SQLE: variants seen among roughly 807,000 people sequenced by gnomAD.
SQLE encodes the protein squalene epoxidase.
A neutral mutation model predicts 60.7 loss-of-function variants in SQLE; 29 were observed. That is an observed-to-expected ratio of 0.48 (90% CI 0.36 to 0.65). The LOEUF is 0.65. SQLE is among the 30% of genes least tolerant of loss of function. The pLI is 0.00. For synonymous variants in SQLE, 237 were observed against 246.8 expected (o/e 0.96, Z 0.37); for missense variants, 605 against 684.1 (o/e 0.88, Z 1.29).
chr8:125,021,736 ATTT>A lies in SQLE; in HGVS notation c.1533-12_1533-10del, dbSNP rs779786398. On this transcript the variant is annotated splice_polypyrimidine_tract_variant and intron_variant, in intron 10 of 10. Coordinates refer to ENST00000265896, the MANE Select transcript of SQLE (RefSeq NM_003129.4). ...TAGTTTCTGAGTCTTACCAATATGT[ATTT>A]TTTTCTATTACAGATTGTCTCCTAA... is the stretch of plus-strand genomic sequence containing the variant. The A allele has an allele frequency of 3.2e-6, 5 of 1,557,008 alleles. No individual in the cohort carries two copies. Among genetic ancestry groups the A allele is most frequent in the Non-Finnish European group, 4.4e-6 (5 of 1,147,718 alleles).
In SQLE at chr8:125,008,971, G is replaced by A; in HGVS notation, c.823G>A (p.Glu275Lys). The change falls in exon 5 of 11, where the codon GAA becomes AAA. Residue 275 changes from glutamate (E) to lysine (K), a missense_variant and splice_region_variant. Glu to Lys is a moderately conservative substitution (Grantham distance 56, BLOSUM62 1). Coordinates refer to ENST00000265896, the MANE Select transcript of SQLE (RefSeq NM_003129.4). ...YKDKETGDIK[E>K]LHAPLTVVAD... The stretch of plus-strand genomic sequence containing the variant: ...TGAGTAGTCTTCATTTCTGTTATAG[G>A]AACTCCATGCTCCACTGACTGTTGT... 6.4e-7 allele frequency: 1 copy of A among 1,557,060 alleles called. No individual in the cohort carries two copies. The highest frequency in any genetic ancestry group is 8.6e-7 in the Non-Finnish European group (1 of 1,157,312).
chr8:125,004,227 G>C (rs1043801104), intron 2 of SQLE, among the ~76,000 whole-genome samples: 2 of 152,112 alleles, frequency 1.3e-5, no homozygotes, highest in Non-Finnish European at 2.9e-5. Flanking sequence ...TTGTTTTTCA[G>C]TTGACTTCAT....
rs754974243 is a variant in SQLE at position 125,018,626 on chromosome 8, T to C, written c.1348-5T>C. The C allele has an allele frequency of 4.4e-6, 7 of 1,593,102 alleles. No individual in the cohort carries two copies. In the South Asian group the frequency reaches 8.1e-5, roughly 18 times the overall value. ...CATATAATAAATGAGCTATTTCTTT[T>C]TTAGGCCAAAAAATCATTTTACTGG... On this transcript the variant is annotated splice_polypyrimidine_tract_variant and splice_region_variant and intron_variant, in intron 8 of 10. Coordinates refer to ENST00000265896, the MANE Select transcript of SQLE (RefSeq NM_003129.4).
In SQLE at chr8:124,998,819, T is replaced by G; in HGVS notation, c.-585T>G. On this transcript the variant is annotated 5_prime_UTR_variant, in exon 1 of 11. Coordinates refer to ENST00000265896, the MANE Select transcript of SQLE (RefSeq NM_003129.4). ...GGAGAAGGCGTCGGCGTTGGCGTTT[T>G]CCCGAGGTTGGGCTGTACAGTGTCT... 2 of 492,826 alleles carry G rather than the reference T, an allele frequency of 4.1e-6. No homozygotes were observed. Among genetic ancestry groups the G allele is most frequent in the Non-Finnish European group, 7.2e-6 (2 of 276,492 alleles). 30.5% of individuals were successfully genotyped at this position (492,826 alleles called of 1,614,324 possible).
chr8:125,020,836 C>A lies in SQLE; in HGVS notation c.1497C>A (p.Gly499=), dbSNP rs774644528. The change falls in exon 10 of 11, where the codon GGC becomes GGA. Residue 499 remains glycine (G), a synonymous_variant. Transcript: ENST00000265896. ...KACFLYFKLG[G]ECVAGPVGLL... Reference sequence around the variant, plus strand: ...GTTTTCTTTATTTCAAACTTGGTGGCGAATGTGTTGCGGGTCCTGTTGGGC... The same window carrying A: ...GTTTTCTTTATTTCAAACTTGGTGGAGAATGTGTTGCGGGTCCTGTTGGGC... The A allele has an allele frequency of 2.5e-6, 4 of 1,613,294 alleles. No homozygotes were observed. The highest frequency in any genetic ancestry group is 3.3e-5 in the Admixed American group (2 of 59,984).
chr8:125,016,864 A>G lies in SQLE; in HGVS notation c.1205-1195A>G, dbSNP rs938172495. 6.6e-6 allele frequency among the ~76,000 whole-genome samples: 1 copy of G among 152,198 alleles called. No homozygotes were observed. The highest frequency in any genetic ancestry group is 2.4e-5 in the African/African-American group (1 of 41,442). ...AGTCCAGTAACATTGTGACCCTTGC[A>G]GACTTGTAGAGGTACCGCCTTGGTG... On this transcript the variant is annotated intron_variant, in intron 7 of 10. Coordinates refer to ENST00000265896, the MANE Select transcript of SQLE (RefSeq NM_003129.4). The surrounding 1 kb of genome is among the most constrained non-coding windows in gnomAD (Gnocchi z 4.1).
At position 125,020,679 on chromosome 8, in the gene SQLE, T is replaced by C. The variant is rs981970257; in HGVS notation, c.1445-105T>C. 9 of 695,098 alleles carry C rather than the reference T, an allele frequency of 1.3e-5. No individual in the cohort carries two copies. The East Asian group carries it at 2.5e-4, about 20-fold the overall frequency. 43.1% of individuals were successfully genotyped at this position (695,098 alleles called of 1,614,324 possible). A position where few individuals can be genotyped will look rare whatever the true frequency, so the allele number is the denominator to read the frequency against. On this transcript the variant is annotated intron_variant, in intron 9 of 10. Coordinates refer to ENST00000265896, the MANE Select transcript of SQLE (RefSeq NM_003129.4). ...ATTCTAGGACTAGATATTTAAAAAT[T>C]ATCTGCAAGATGTAGCGTTTGTTAT...
chr8:125,020,689 ATGTAGCGT>A lies in SQLE; in HGVS notation c.1445-93_1445-86del. On this transcript the variant is annotated intron_variant, in intron 9 of 10. Transcript: ENST00000265896. ...TAGATATTTAAAAATTATCTGCAAGATGTAGCGTTTGTTATTTCTCATTTTTTCTGATA... is the reference window on the plus strand; with the variant it reads ...TAGATATTTAAAAATTATCTGCAAGATTGTTATTTCTCATTTTTTCTGATA... The A allele has an allele frequency of 4.0e-6, 3 of 748,528 alleles. No homozygotes were observed. The South Asian group carries it at 4.9e-5, about 12-fold the overall frequency. The allele number at this position is 748,528 out of a possible 1,614,324, so 46.4% of individuals were successfully genotyped here.
In SQLE at chr8:124,999,328, T is replaced by C; in HGVS notation, c.-76T>C. 7 of 1,393,410 alleles carry C rather than the reference T, an allele frequency of 5.0e-6. No homozygotes were observed. The highest frequency in any genetic ancestry group is 6.5e-6 in the Non-Finnish European group (7 of 1,069,376). 86.3% of individuals were successfully genotyped at this position (1,393,410 alleles called of 1,614,324 possible). ...TCTCCGTGCTCCTCTTGGTACCTCA[T>C]TTTGGGGAGAACCTTAAACCCACTC... On this transcript the variant is annotated 5_prime_UTR_variant, in exon 1 of 11. Coordinates refer to ENST00000265896, the MANE Select transcript of SQLE (RefSeq NM_003129.4).
intron 2 of SQLE, among the ~76,000 whole-genome samples, chr8:125,004,852 ATTT>A (rs1814922527): frequency 6.6e-6 from 1 of 151,722 alleles, no homozygotes; most frequent in Admixed American, 6.6e-5. Context: ...AAAGTTTTTT[ATTT>A]TTCAACTGCT....
chr8:124,999,635 T>G lies in SQLE; in HGVS notation c.232T>G (p.Phe78Val). The G allele has an allele frequency of 6.2e-7, 1 of 1,612,760 alleles. No homozygotes were observed. The highest frequency in any genetic ancestry group is 1.1e-5 in the South Asian group (1 of 90,862). The change falls in exon 1 of 11, where the codon TTC becomes GTC. Residue 78 changes from phenylalanine to valine, a missense_variant. Transcript: ENST00000265896. ...DILSGLPFIG[F>V]FWAKSPPESE... The stretch of plus-strand genomic sequence containing the variant: ...TCTCTCAGGCCTGCCTTTCATTGGC[T>G]TCTTCTGGGCCAAATCCCCCCCTGA...
chr8:125,003,470 C>A, intron 2 of SQLE, 42 bp downstream of exon 2: 3 of 1,598,858 alleles, frequency 1.9e-6, no homozygotes, highest in Non-Finnish European at 2.6e-6. Flanking sequence ...GTGGTATGAA[C>A]AAGCACTCTT....
At chr8:125,006,227 A>G (rs976766269) in intron 3 of SQLE, among the ~76,000 whole-genome samples, 14 of 152,248 alleles carry the variant, frequency 9.2e-5, no homozygotes, top group Non-Finnish European at 1.8e-4. Context: ...ACTGACACAG[A>G]CTAAAGTATT....
Position 124,998,801 on chromosome 8 carries a change from G to A in SQLE, c.-603G>A. On this transcript the variant is annotated 5_prime_UTR_variant, in exon 1 of 11. Coordinates refer to ENST00000265896, the MANE Select transcript of SQLE (RefSeq NM_003129.4). The stretch of plus-strand genomic sequence containing the variant: ...CCGAGGCCATCTTTTGTTGGAGAAG[G>A]CGTCGGCGTTGGCGTTTTCCCGAGG... 2.0e-6 allele frequency: 1 copy of A among 494,898 alleles called. No individual in the cohort carries two copies. Among genetic ancestry groups the A allele is most frequent in the South Asian group, 2.7e-5 (1 of 37,292 alleles). The allele number at this position is 494,898 out of a possible 1,614,324, so 30.7% of individuals were successfully genotyped here. A position where few individuals can be genotyped will look rare whatever the true frequency, so the allele number is the denominator to read the frequency against.
At chr8:125,007,017 T>A (rs1814963245) in intron 3 of SQLE, among the ~76,000 whole-genome samples, 1 of 152,216 alleles carries the variant, frequency 6.6e-6, no homozygotes, top group Admixed American at 6.5e-5. Flanking sequence ...ATAATTACTC[T>A]TAACAGTTTG....
intron 3 of SQLE, among the ~76,000 whole-genome samples, chr8:125,006,357 A>C (rs1404020813): frequency 6.6e-6 from 1 of 152,178 alleles, no homozygotes; most frequent in Non-Finnish European, 1.5e-5. Flanking sequence ...GCGGTGGCTC[A>C]TGCCTGTAAT....
rs1308085065 is a variant in SQLE, at chr8:125,016,559, C to T, written c.1205-1500C>T. Among the ~76,000 whole-genome samples, 1 of 152,072 alleles carries T rather than the reference C, an allele frequency of 6.6e-6. No homozygotes were observed. The highest frequency in any genetic ancestry group is 1.5e-5 in the Non-Finnish European group (1 of 68,006). ...TTCTCCAAAACAGCTATTTTGAATTCTCTGAAAGCTCACATCTCTGTTACT... is the reference window on the plus strand; with the variant it reads ...TTCTCCAAAACAGCTATTTTGAATTTTCTGAAAGCTCACATCTCTGTTACT... On this transcript the variant is annotated intron_variant, in intron 7 of 10. Coordinates refer to ENST00000265896, the MANE Select transcript of SQLE (RefSeq NM_003129.4). The surrounding 1 kb of genome is among the most constrained non-coding windows in gnomAD (Gnocchi z 4.1).
rs146306551 is a variant in SQLE at position 125,003,777 on chromosome 8, A to G, written c.544+349A>G. Reference sequence around the variant, plus strand: ...GTTGTATACTTGTTACAGTGTTATTACTTAGAATCTTTTATTTAAGCACCA... The same window carrying G: ...GTTGTATACTTGTTACAGTGTTATTGCTTAGAATCTTTTATTTAAGCACCA... On this transcript the variant is annotated intron_variant, in intron 2 of 10. Transcript: ENST00000265896. 7.7e-3 allele frequency among the ~76,000 whole-genome samples: 1,175 copies of G among 152,124 alleles called. 12 individuals carry two copies. Among genetic ancestry groups the G allele is most frequent in the African/African-American group, 0.027 (1,110 of 41,486 alleles).
At chr8:125,019,993 C>G (rs1186144222) in intron 9 of SQLE, among the ~76,000 whole-genome samples, 1 of 151,950 alleles carries the variant, frequency 6.6e-6, no homozygotes, top group African/African-American at 2.4e-5. Context: ...GAGTTTTGGG[C>G]AAATAAAAAG....
Sources: allele counts gnomAD v4.1 joint callset (sites outside exome capture counted in the v4.1 genomes callset), GRCh38; gene constraint gnomAD v4.1.1; non-coding constraint Gnocchi (gnomAD v3.1); transcripts MANE v1.5; gene names NCBI Gene and HGNC (gene_info 2026-07-23, HGNC 2026-07-21).